The following IRGM variants were observed in gnomAD, a reference collection of about 807,000 sequenced individuals.
IRGM encodes immunity related GTPase M, also known as immunity-related GTPase family M protein.
For missense variants in IRGM, 288 were observed against 219.9 expected (o/e 1.31, Z -1.96); for synonymous variants, 98 against 80.6 (o/e 1.22, Z -1.16).
At chr5:150,857,044 T>C (rs999457219) in intron 1 of IRGM, among the ~76,000 whole-genome samples, 11 of 151,962 alleles carry the variant, frequency 7.2e-5, no homozygotes, top group Non-Finnish European at 1.6e-4. Context: ...ACTCGTCATT[T>C]AGCATTAGGT....
At chr5:150,874,989 C>T (rs1754341161) in intron 1 of IRGM, among the ~76,000 whole-genome samples, 1 of 152,164 alleles carries the variant, frequency 6.6e-6, no homozygotes, top group South Asian at 2.1e-4. Flanking sequence ...GTGGGGCACG[C>T]ACAGCAGCAT....
intron 3 of IRGM, among the ~76,000 whole-genome samples, chr5:150,885,875 C>T (rs551206458): frequency 6.6e-6 from 1 of 152,100 alleles, no homozygotes; most frequent in Non-Finnish European, 1.5e-5. Context: ...GATCGTTTTA[C>T]TTCTTCCCTT....
chr5:150,850,628 A>G (rs1372448635), downstream of IRGM, among the ~76,000 whole-genome samples: 1 of 152,072 alleles, frequency 6.6e-6, no homozygotes, highest in East Asian at 1.9e-4. Context: ...TGGTGCCATT[A>G]TTAGCTTACT....
intron 1 of IRGM, among the ~76,000 whole-genome samples, chr5:150,868,715 G>T (rs1487713788): frequency 1.3e-5 from 2 of 151,552 alleles, no homozygotes; most frequent in Admixed American, 6.6e-5. Context: ...TTCCTAAGTG[G>T]GTTTTGTTGT....
intron 1 of IRGM, among the ~76,000 whole-genome samples, chr5:150,874,244 G>A (rs896432601): frequency 7.2e-5 from 11 of 152,176 alleles, no homozygotes; most frequent in Non-Finnish European, 1.5e-5. Flanking sequence ...GAGAGATCTT[G>A]ATCACTTTTC....
intron 3 of IRGM, chr5:150,896,965 T>G (rs754929933): frequency 6.2e-7 from 1 of 1,605,928 alleles, no homozygotes; most frequent in Admixed American, 1.7e-5. Flanking sequence ...TGAAGGTTAC[T>G]CTTCCTGTCT....
chr5:150,853,090 A>G (rs1269226839), downstream of IRGM, among the ~76,000 whole-genome samples: 7 of 152,072 alleles, frequency 4.6e-5, no homozygotes, highest in African/African-American at 1.4e-4. Context: ...TTAAAGCTAT[A>G]ATTTTCCCTC....
chr5:150,856,975 C>T (rs1754065276), intron 1 of IRGM, among the ~76,000 whole-genome samples: 1 of 150,378 alleles, frequency 6.6e-6, no homozygotes, highest in Admixed American at 6.6e-5. Context: ...TACATGTGCA[C>T]AATGTGCAGG....
rs532923618 is a variant in IRGM, at chr5:150,885,940, ATAT to A, written c.*140+6298_*140+6300del. On this transcript the variant is annotated intron_variant and NMD_transcript_variant, in intron 3 of 3. Transcript: ENST00000520549. ...CTGATTGCTCTGGCTAGGGCTTCCA[ATAT>A]TATGTTGAAGAGTGGTGAGAGAGGG... 2.2e-4 allele frequency among the ~76,000 whole-genome samples: 34 copies of A among 152,048 alleles called. 1 individual carries two copies. In the South Asian group the frequency reaches 6.8e-3, roughly 31 times the overall value.
At chr5:150,850,416 ATTT>A (rs1333654423), downstream of IRGM, among the ~76,000 whole-genome samples, 1 of 152,218 alleles carries the variant, frequency 6.6e-6, no homozygotes, top group African/African-American at 2.4e-5. Flanking sequence ...GTTAGACATT[ATTT>A]AAGAAATGCT....
At chr5:150,885,169 A>C (rs1411571984) in intron 3 of IRGM, among the ~76,000 whole-genome samples, 1 of 152,116 alleles carries the variant, frequency 6.6e-6, no homozygotes, top group Non-Finnish European at 1.5e-5. Flanking sequence ...CATTTATTGA[A>C]TAGGGAGTCT....
At chr5:150,861,449 G>A (rs1457493158) in intron 1 of IRGM, among the ~76,000 whole-genome samples, 1 of 152,182 alleles carries the variant, frequency 6.6e-6, no homozygotes, top group Non-Finnish European at 1.5e-5. Flanking sequence ...CAAGTCACAG[G>A]GCAGGGTCAG....
intron 3 of IRGM, among the ~76,000 whole-genome samples, chr5:150,889,996 T>C (rs1196436349): frequency 6.6e-6 from 1 of 152,084 alleles, no homozygotes; most frequent in East Asian, 1.9e-4. Context: ...TAATATCTTC[T>C]GGTTTTGTAT....
intron 1 of IRGM, among the ~76,000 whole-genome samples, chr5:150,861,148 A>G (rs561658026): frequency 6.6e-6 from 1 of 152,280 alleles, no homozygotes; most frequent in South Asian, 2.1e-4. Flanking sequence ...AATATCCAAG[A>G]TGGCTCACTG....
intron 1 of IRGM, among the ~76,000 whole-genome samples, chr5:150,868,532 A>AATTGCTGGG (rs1754238058): frequency 6.6e-6 from 1 of 152,040 alleles, no homozygotes; most frequent in African/African-American, 2.4e-5. Flanking sequence ...TTTTGATGGG[A>AATTGCTGGG]ATTGCATTTA....
At position 150,899,407 on chromosome 5, in the gene IRGM, G is replaced by A. The variant is rs112204243; in HGVS notation, c.*141-1182G>A. Among the ~76,000 whole-genome samples the A allele has an allele frequency of 3.8e-3, 573 of 151,658 alleles. 3 individuals are homozygous for A. The highest frequency in any genetic ancestry group is 0.027 in the East Asian group (139 of 5,060). On this transcript the variant is annotated intron_variant and NMD_transcript_variant, in intron 3 of 3. Transcript: ENST00000520549. ...TATAGAGCAGAAATGCCCTTTGTAA[G>A]TACATTTTTTTTTAAAAAAAGAAAA...
intron 1 of IRGM, among the ~76,000 whole-genome samples, chr5:150,856,093 A>C (rs1287075334): frequency 1.3e-5 from 2 of 152,106 alleles, no homozygotes; most frequent in African/African-American, 4.8e-5. Context: ...AAAAGTATGT[A>C]TATATATGTC....
At chr5:150,866,185 C>A (rs576752714) in intron 1 of IRGM, among the ~76,000 whole-genome samples, 1 of 152,152 alleles carries the variant, frequency 6.6e-6, no homozygotes, top group Non-Finnish European at 1.5e-5. Flanking sequence ...TAAGGCAGCC[C>A]AGATTCTGAT....
chr5:150,848,681 A>C lies in IRGM; in HGVS notation c.*12A>C. 6.7e-7 allele frequency: 1 copy of C among 1,491,576 alleles called. No individual in the cohort carries two copies. The highest frequency in any genetic ancestry group is 1.4e-5 in the African/African-American group (1 of 71,276). 92.4% of individuals were successfully genotyped at this position (1,491,576 alleles called of 1,614,324 possible). A position where few individuals can be genotyped will look rare whatever the true frequency, so the allele number is the denominator to read the frequency against. ...TATGTGAATACTAATTCCTGTCTTCATTAAACATTTTCCATCTCCTCCTAT... is the reference window on the plus strand; with the variant it reads ...TATGTGAATACTAATTCCTGTCTTCCTTAAACATTTTCCATCTCCTCCTAT... On this transcript the variant is annotated 3_prime_UTR_variant, in exon 2 of 2. Transcript: ENST00000522154.
Sources: gnomAD v4.1 joint callset for allele counts (sites outside exome capture counted in the v4.1 genomes callset) on GRCh38, gnomAD v4.1.1 for gene constraint, MANE v1.5 for transcripts, NCBI Gene and HGNC (gene_info 2026-07-23, HGNC 2026-07-21) for gene names.